The following SYT1 variants were observed in gnomAD, a reference collection of about 807,000 sequenced individuals.
The protein encoded by SYT1 is synaptotagmin-1.
Under a neutral mutation model 44.8 loss-of-function variants are expected in SYT1, and 8 were observed. The observed-to-expected ratio is 0.18, with a 90% CI of 0.10 to 0.32. The LOEUF is 0.32. Ranked by LOEUF, SYT1 falls within the 10% of genes least tolerant of loss-of-function variation. The pLI, the probability that SYT1 is intolerant of heterozygous loss-of-function variation, is 1.00. For missense variants in SYT1, 286 were observed against 509.3 expected (o/e 0.56, Z 4.22); for synonymous variants, 154 against 188.8 (o/e 0.82, Z 1.51).
chr12:78,963,295 G>T (rs763816003), intron 1 of SYT1, among the ~76,000 whole-genome samples: 1 of 151,694 alleles, frequency 6.6e-6, no homozygotes, highest in South Asian at 2.1e-4. Context: ...ATAAAATTAC[G>T]GGCAACAAAA....
intron 1 of SYT1, among the ~76,000 whole-genome samples, chr12:78,966,581 ACAT>A (rs1868255061): frequency 6.6e-6 from 1 of 152,178 alleles, no homozygotes. Context: ...TGTATGGCAA[ACAT>A]TTCTTCCATA....
intron 2 of SYT1, among the ~76,000 whole-genome samples, chr12:79,006,322 T>A (rs951584571): frequency 5.3e-5 from 8 of 152,096 alleles, no homozygotes; most frequent in Admixed American, 2.0e-4. Context: ...ATGGATCAAG[T>A]GACTCCTGTA....
intron 9 of SYT1, among the ~76,000 whole-genome samples, chr12:79,406,581 G>A (rs969644007): frequency 6.6e-6 from 1 of 152,094 alleles, no homozygotes; most frequent in Admixed American, 6.6e-5. Context: ...ATAGAAAACT[G>A]ATGTTAGGAA....
intron 8 of SYT1, among the ~76,000 whole-genome samples, chr12:79,344,517 A>T (rs752960498): frequency 1.3e-4 from 20 of 152,046 alleles, no homozygotes; most frequent in Admixed American, 3.3e-4. Context: ...CAGTGGCACG[A>T]TCTCTGCCCA....
intron 8 of SYT1, among the ~76,000 whole-genome samples, chr12:79,328,946 C>T (rs987396603): frequency 2.0e-5 from 3 of 151,898 alleles, no homozygotes; most frequent in Non-Finnish European, 2.9e-5. Flanking sequence ...GAATAGCAAG[C>T]ATGGCCTTTA....
At chr12:79,058,567 C>G (rs754586191) in intron 3 of SYT1, among the ~76,000 whole-genome samples, 25 of 152,136 alleles carry the variant, frequency 1.6e-4, no homozygotes, top group Non-Finnish European at 1.3e-4. Context: ...CTCAGTACAG[C>G]TGGTATGGGG....
chr12:79,026,672 TATATATA>T (rs1872555002), intron 2 of SYT1, among the ~76,000 whole-genome samples: 3 of 74,294 alleles, frequency 4.0e-5, no homozygotes, highest in African/African-American at 1.5e-4. Flanking sequence ...ATATTTTATA[TATATATA>T]TATATATATA....
intron 3 of SYT1, among the ~76,000 whole-genome samples, chr12:79,067,429 ACTATAT>A (rs1339698321): frequency 6.6e-6 from 1 of 152,148 alleles, no homozygotes; most frequent in Non-Finnish European, 1.5e-5. Context: ...GTAGTAGGAA[ACTATAT>A]CTATATAAAT....
At chr12:78,995,277 C>CA (rs1231867386) in intron 2 of SYT1, among the ~76,000 whole-genome samples, 2 of 152,166 alleles carry the variant, frequency 1.3e-5, no homozygotes, top group Non-Finnish European at 2.9e-5. Context: ...AGGCTAAAAG[C>CA]AAGTGTCTAT....
At chr12:78,977,095 AAAG>A (rs1796607413) in intron 1 of SYT1, among the ~76,000 whole-genome samples, 1 of 151,446 alleles carries the variant, frequency 6.6e-6, no homozygotes, top group Non-Finnish European at 1.5e-5. Context: ...AATGGGGAAA[AAAG>A]AAGAGAAAAA....
At chr12:79,067,464 C>T (rs1238488117) in intron 3 of SYT1, among the ~76,000 whole-genome samples, 1 of 152,050 alleles carries the variant, frequency 6.6e-6, no homozygotes, top group Non-Finnish European at 1.5e-5. Flanking sequence ...TTTCTAGAGT[C>T]AGTTAGTTTC....
rs992170824 is a variant in SYT1 at position 79,450,176 on chromosome 12, G to T, written c.*1052G>T. On this transcript the variant is annotated 3_prime_UTR_variant, in exon 11 of 11. Coordinates refer to ENST00000261205, the MANE Select transcript of SYT1 (RefSeq NM_005639.3). ...AAAATATTTTATTATATAAAACCAG[G>T]TTAGAAGGAATGCAGGATATTTTTA... The T allele has an allele frequency of 3.3e-5, 5 of 152,394 alleles. No homozygotes were observed. The highest frequency in any genetic ancestry group is 1.3e-4 in the Admixed American group (2 of 15,252). The allele number at this position is 152,394 out of a possible 1,614,324, so 9.4% of individuals were successfully genotyped here.
chr12:79,227,535 G>A (rs765748164), intron 4 of SYT1, among the ~76,000 whole-genome samples: 12 of 152,126 alleles, frequency 7.9e-5, no homozygotes, highest in Non-Finnish European at 1.3e-4. Context: ...AGAGCAAGTG[G>A]ATTAGGAATA....
intron 8 of SYT1, among the ~76,000 whole-genome samples, chr12:79,339,190 G>T (rs1592980079): frequency 6.6e-6 from 1 of 152,174 alleles, no homozygotes. Flanking sequence ...ACCCAGTAAT[G>T]GGATGGCTGG....
intron 1 of SYT1, among the ~76,000 whole-genome samples, chr12:78,876,846 A>ATTATATG (rs1874161780): frequency 3.6e-4 from 15 of 41,098 alleles, no homozygotes; most frequent in African/African-American, 1.9e-3. Context: ...TATATAATAT[A>ATTATATG]TATTATATAT....
intron 9 of SYT1, among the ~76,000 whole-genome samples, chr12:79,354,494 G>C (rs1565922818): frequency 6.6e-6 from 1 of 152,084 alleles, no homozygotes; most frequent in Non-Finnish European, 1.5e-5. Flanking sequence ...AAGGCAGCAT[G>C]GTGATTTTTT....
At chr12:79,214,425 G>C (rs958781806) in intron 3 of SYT1, among the ~76,000 whole-genome samples, 6 of 152,090 alleles carry the variant, frequency 3.9e-5, no homozygotes, top group Non-Finnish European at 1.5e-5. Context: ...TTAAAAAAAA[G>C]CTGGGTAACT....
intron 2 of SYT1, among the ~76,000 whole-genome samples, chr12:79,032,402 A>T (rs965962839): frequency 2.0e-5 from 3 of 151,188 alleles, no homozygotes; most frequent in African/African-American, 7.3e-5. Context: ...TTTACACCAC[A>T]CAACTCCTGG....
chr12:79,266,613 G>T (rs1878143184), intron 4 of SYT1, among the ~76,000 whole-genome samples: 1 of 152,174 alleles, frequency 6.6e-6, no homozygotes, highest in South Asian at 2.1e-4. Context: ...GTATAGGGAA[G>T]TCCCTTCAGA....
Sources: allele counts gnomAD v4.1 joint callset (sites outside exome capture counted in the v4.1 genomes callset), GRCh38; gene constraint gnomAD v4.1.1; transcripts MANE v1.5; gene names NCBI Gene and HGNC (gene_info 2026-07-23, HGNC 2026-07-21).